Variants in LRRTM4 observed in about 807,000 individuals in gnomAD.
LRRTM4 encodes leucine rich repeat transmembrane neuronal 4, also known as leucine-rich repeat transmembrane neuronal protein 4.
A neutral mutation model predicts 47.6 loss-of-function variants in LRRTM4; 25 were observed. The ratio of observed to expected loss-of-function variants is 0.53; its 90% CI spans 0.38 to 0.73. LRRTM4 has a LOEUF of 0.73. Ranked by LOEUF, LRRTM4 falls within the 30% of genes least tolerant of loss-of-function variation. LRRTM4 has a pLI of 0.00. For synonymous variants in LRRTM4, 311 were observed against 269.5 expected (o/e 1.15, Z -1.51); for missense variants, 638 against 713.4 (o/e 0.89, Z 1.20).
At chr2:77,234,509 T>C (rs183345272) in intron 3 of LRRTM4, among the ~76,000 whole-genome samples, 1 of 152,316 alleles carries the variant, frequency 6.6e-6, no homozygotes, top group African/African-American at 2.4e-5. Flanking sequence ...ACAAGTATAT[T>C]AAAAATTGAT....
At chr2:76,786,058 A>G (rs763060379) in intron 3 of LRRTM4, among the ~76,000 whole-genome samples, 27 of 152,298 alleles carry the variant, frequency 1.8e-4, no homozygotes, top group South Asian at 8.3e-4. Context: ...CATAAGTTAC[A>G]TGAGTATCTT....
At chr2:77,442,632 C>A (rs1675888813) in intron 3 of LRRTM4, among the ~76,000 whole-genome samples, 1 of 152,052 alleles carries the variant, frequency 6.6e-6, no homozygotes, top group African/African-American at 2.4e-5. Flanking sequence ...TTTTTTAAGC[C>A]CCATATATCC....
At chr2:77,362,941 T>C (rs774120441) in intron 3 of LRRTM4, among the ~76,000 whole-genome samples, 10 of 152,176 alleles carry the variant, frequency 6.6e-5, no homozygotes, top group Non-Finnish European at 1.5e-4. Context: ...ATTTAATTTT[T>C]AATGTTTGAT....
intron 3 of LRRTM4, among the ~76,000 whole-genome samples, chr2:77,138,537 C>A (rs2103752780): frequency 6.6e-6 from 1 of 152,214 alleles, no homozygotes; most frequent in Non-Finnish European, 1.5e-5. Flanking sequence ...CTAAAATTGA[C>A]AACTTAACAT....
chr2:76,938,182 A>G lies in LRRTM4; in HGVS notation c.1552-189266T>C, dbSNP rs561286722. On this transcript the variant is annotated intron_variant, in intron 3 of 3. Coordinates refer to ENST00000409884, the MANE Select transcript of LRRTM4 (RefSeq NM_001134745.3). Reference sequence around the variant, plus strand: ...TAAAAGCTTTTATTTTTCTCCTTACATTTATCTGTTCTCAATCCATCTACT... The same window carrying G: ...TAAAAGCTTTTATTTTTCTCCTTACGTTTATCTGTTCTCAATCCATCTACT... Among the ~76,000 whole-genome samples the G allele has an allele frequency of 3.9e-5, 6 of 152,108 alleles. No homozygotes were observed. The East Asian group carries it at 9.7e-4, about 24-fold the overall frequency.
At chr2:77,131,126 G>T (rs1314002952) in intron 3 of LRRTM4, among the ~76,000 whole-genome samples, 1 of 152,050 alleles carries the variant, frequency 6.6e-6, no homozygotes, top group African/African-American at 2.4e-5. Flanking sequence ...CAGCCACCGC[G>T]CCCGGCCTGG....
intron 3 of LRRTM4, among the ~76,000 whole-genome samples, chr2:76,805,992 C>T (rs959962109): frequency 6.6e-6 from 1 of 152,106 alleles, no homozygotes; most frequent in African/African-American, 2.4e-5. Flanking sequence ...CTTACAGTTC[C>T]AGGGGTTGGG....
intron 3 of LRRTM4, among the ~76,000 whole-genome samples, chr2:76,990,196 T>C (rs907425674): frequency 6.6e-6 from 1 of 151,746 alleles, no homozygotes; most frequent in African/African-American, 2.4e-5. Flanking sequence ...TTTCCACCTA[T>C]GAAAAAGTAG....
intron 3 of LRRTM4, among the ~76,000 whole-genome samples, chr2:76,812,649 A>C (rs577425606): frequency 6.9e-6 from 1 of 144,228 alleles, no homozygotes; most frequent in African/African-American, 2.6e-5. Context: ...ACACTTTCCT[A>C]TGAAGGAGAC....
At chr2:76,892,128 A>C (rs972735782) in intron 3 of LRRTM4, among the ~76,000 whole-genome samples, 2 of 151,746 alleles carry the variant, frequency 1.3e-5, no homozygotes, top group Admixed American at 1.3e-4. Context: ...GTCCAGTCTT[A>C]GTTATTTTAT....
At chr2:77,339,820 C>A (rs1006165819) in intron 3 of LRRTM4, among the ~76,000 whole-genome samples, 8 of 151,854 alleles carry the variant, frequency 5.3e-5, no homozygotes, top group Non-Finnish European at 1.2e-4. Flanking sequence ...CTCTCCTGAG[C>A]AGAGGAAAGG....
In LRRTM4 at chr2:77,518,375, TA is replaced by T; in HGVS notation, c.1493del (p.Ile498AsnfsTer25). The T allele has an allele frequency of 6.2e-7, 1 of 1,612,900 alleles. No homozygotes were observed. Among genetic ancestry groups the T allele is most frequent in the Non-Finnish European group, 8.5e-7 (1 of 1,179,400 alleles). ...TGCAGGGCCCAGATCCATTAACCGATATATCCATGGTCTCAGAGTTTGTAGG... is the reference window on the plus strand; with the variant it reads ...TGCAGGGCCCAGATCCATTAACCGATTATCCATGGTCTCAGAGTTTGTAGG... Reference protein sequence around the residue: ...YKPTNSETMDISVNGSGPCTY... With the variant: ...YKPTNSETMDXSVNGSGPCTY... On this transcript the variant is annotated frameshift_variant, in exon 3 of 4. Transcript: ENST00000409884. LOFTEE classifies it high-confidence loss of function.
chr2:77,216,421 C>A (rs1674441442), intron 3 of LRRTM4, among the ~76,000 whole-genome samples: 1 of 152,100 alleles, frequency 6.6e-6, no homozygotes, highest in Admixed American at 6.6e-5. Flanking sequence ...AATCCCAGCA[C>A]TTTGGGAGGC....
chr2:77,445,416 C>T (rs1188321909), intron 3 of LRRTM4, among the ~76,000 whole-genome samples: 1 of 151,876 alleles, frequency 6.6e-6, no homozygotes, highest in African/African-American at 2.4e-5. Flanking sequence ...GTCTCTTCTA[C>T]CACTTGTACA....
rs187553963 is a variant in LRRTM4 at position 76,948,344 on chromosome 2, T to C, written c.1552-199428A>G. 7.2e-5 allele frequency among the ~76,000 whole-genome samples: 11 copies of C among 152,000 alleles called. No homozygotes were observed. The East Asian group carries it at 2.1e-3, about 30-fold the overall frequency. ...TGTGTAACCAACATGACTGAACTCA[T>C]GTGGGTTTTGTCAGGTGAAGACAAA... On this transcript the variant is annotated intron_variant, in intron 3 of 3. Transcript: ENST00000409884.
chr2:77,279,338 G>A (rs747397952), intron 3 of LRRTM4, among the ~76,000 whole-genome samples: 18 of 151,568 alleles, frequency 1.2e-4, no homozygotes, highest in African/African-American at 3.1e-4. Context: ...CCTAGCTTTC[G>A]CTGTTTTTTG....
chr2:76,925,076 A>G (rs1674547114), intron 3 of LRRTM4, among the ~76,000 whole-genome samples: 1 of 152,134 alleles, frequency 6.6e-6, no homozygotes, highest in African/African-American at 2.4e-5. Flanking sequence ...AATACATTGT[A>G]TGGCAAATGT....
At chr2:77,028,516 A>T (rs1281959321) in intron 3 of LRRTM4, among the ~76,000 whole-genome samples, 1 of 152,130 alleles carries the variant, frequency 6.6e-6, no homozygotes, top group Non-Finnish European at 1.5e-5. Flanking sequence ...ATTATGTGGG[A>T]TGAGATTGGA....
chr2:77,030,469 C>T lies in LRRTM4; in HGVS notation c.1552-281553G>A, dbSNP rs549083883. ...AAGTAAACATTTATTGACAGTAAGTCGGTGTGTTTTCTATTACAATGTTTA... is the reference window on the plus strand; with the variant it reads ...AAGTAAACATTTATTGACAGTAAGTTGGTGTGTTTTCTATTACAATGTTTA... On this transcript the variant is annotated intron_variant, in intron 3 of 3. Coordinates refer to ENST00000409884, the MANE Select transcript of LRRTM4 (RefSeq NM_001134745.3). 1.4e-4 allele frequency among the ~76,000 whole-genome samples: 22 copies of T among 152,052 alleles called. No individual in the cohort carries two copies. The South Asian group carries it at 3.7e-3, about 26-fold the overall frequency.
Sources: allele counts gnomAD v4.1 joint callset (sites outside exome capture counted in the v4.1 genomes callset), GRCh38; gene constraint gnomAD v4.1.1; transcripts MANE v1.5; gene names NCBI Gene and HGNC (gene_info 2026-07-23, HGNC 2026-07-21).